Variants in ABCG2 observed in about 807,000 individuals in gnomAD.
ABCG2 encodes ATP binding cassette subfamily G member 2 (JR blood group).
Under a neutral mutation model 73.5 loss-of-function variants are expected in ABCG2, and 80 were observed. That is an observed-to-expected ratio of 1.09 (90% CI 0.91 to 1.31). The LOEUF is 1.31. Ranked by LOEUF, ABCG2 falls within the 50% of genes most tolerant of loss-of-function variation. ABCG2 has a pLI of 0.00. For synonymous variants in ABCG2, 269 were observed against 282.4 expected (o/e 0.95, Z 0.48); for missense variants, 796 against 786.2 (o/e 1.01, Z -0.15).
chr4:88,097,430 G>A (rs1223886175), intron 13 of ABCG2, 23 bp downstream of exon 13: 1 of 1,611,916 alleles, frequency 6.2e-7, no homozygotes, highest in Admixed American at 1.7e-5. Context: ...TTCCTTATCA[G>A]AGCAAACACA....
chr4:88,196,749 T>A (rs1728951204), intron 1 of ABCG2, among the ~76,000 whole-genome samples: 1 of 150,206 alleles, frequency 6.7e-6, no homozygotes, highest in South Asian at 2.1e-4. Context: ...ACGTTTTACC[T>A]CCTGGAACTT....
At chr4:88,101,053 A>C (rs1173809080) in intron 11 of ABCG2, among the ~76,000 whole-genome samples, 177 bp downstream of exon 11, 1 of 152,174 alleles carries the variant, frequency 6.6e-6, no homozygotes, top group African/African-American at 2.4e-5. Context: ...TATTTTCAAA[A>C]CATCATGTTG....
chr4:88,131,359 GAC>G (rs1218223739), intron 4 of ABCG2, 146 bp from the exon 5 acceptor site: 3 of 830,086 alleles, frequency 3.6e-6, no homozygotes, highest in Non-Finnish European at 5.6e-6. Context: ...TTCTGCAAAT[GAC>G]AGTTAACTCC....
intron 5 of ABCG2, among the ~76,000 whole-genome samples, chr4:88,126,406 A>G (rs1453840519): frequency 6.6e-6 from 1 of 152,220 alleles, no homozygotes; most frequent in Non-Finnish European, 1.5e-5. Context: ...AAAAAGAGGA[A>G]CTTCTCCCTA....
chr4:88,182,469 A>C (rs1288648719), intron 1 of ABCG2, among the ~76,000 whole-genome samples: 1 of 152,186 alleles, frequency 6.6e-6, no homozygotes, highest in African/African-American at 2.4e-5. Context: ...TCAGCCATGG[A>C]TCTTTCTCAA....
At chr4:88,133,465 C>T (rs1725038412) in intron 2 of ABCG2, among the ~76,000 whole-genome samples, 1 of 151,952 alleles carries the variant, frequency 6.6e-6, no homozygotes, top group Non-Finnish European at 1.5e-5. Flanking sequence ...TGGAAAATTC[C>T]AAGTTTAGAA....
intron 11 of ABCG2, among the ~76,000 whole-genome samples, chr4:88,099,679 C>T (rs895332806): frequency 1.3e-5 from 2 of 152,168 alleles, no homozygotes; most frequent in African/African-American, 4.8e-5. Context: ...TGACACTGTT[C>T]CCTCCTATTG....
chr4:88,195,458 A>C (rs1258294320), intron 1 of ABCG2, among the ~76,000 whole-genome samples: 1 of 152,226 alleles, frequency 6.6e-6, no homozygotes, highest in Non-Finnish European at 1.5e-5. Flanking sequence ...TATCCTAGTC[A>C]CGTGGCACCA....
intron 1 of ABCG2, among the ~76,000 whole-genome samples, chr4:88,153,656 A>G (rs6821607): frequency 0.81 from 122,545 of 151,814 alleles, 49,862 homozygotes; most frequent in African/African-American, 0.9. Flanking sequence ...AGGCCAAACC[A>G]AGGAATTATG....
At chr4:88,163,946 A>G (rs1021047264), upstream of ABCG2, 1 of 154,964 alleles carries the variant, frequency 6.5e-6, no homozygotes, top group Non-Finnish European at 1.4e-5. Flanking sequence ...ATCTGCAGAT[A>G]GTCAATGTGG....
intron 1 of ABCG2, among the ~76,000 whole-genome samples, chr4:88,189,649 T>C (rs1314256142): frequency 6.6e-6 from 1 of 152,220 alleles, no homozygotes; most frequent in East Asian, 1.9e-4. Context: ...GTGTGGAATC[T>C]TTAAGGTTTT....
At chr4:88,124,009 C>T (rs1278789808) in intron 5 of ABCG2, among the ~76,000 whole-genome samples, 1 of 152,136 alleles carries the variant, frequency 6.6e-6, no homozygotes, top group South Asian at 2.1e-4. Context: ...GACCAATATT[C>T]AAAATTCTTA....
At chr4:88,187,066 C>G (rs559312524) in intron 1 of ABCG2, among the ~76,000 whole-genome samples, 86 of 128,950 alleles carry the variant, frequency 6.7e-4, no homozygotes, top group African/African-American at 2.4e-3. Flanking sequence ...TGCACTCCAG[C>G]CTGGGAGATA....
At chr4:88,212,484 C>T (rs988805932) in intron 1 of ABCG2, among the ~76,000 whole-genome samples, 3 of 152,182 alleles carry the variant, frequency 2.0e-5, no homozygotes, top group Non-Finnish European at 4.4e-5. Flanking sequence ...TTGAACTTCT[C>T]TCCTTCAGTG....
intron 1 of ABCG2, among the ~76,000 whole-genome samples, chr4:88,169,196 C>T (rs1008239730): frequency 5.9e-5 from 9 of 152,030 alleles, no homozygotes; most frequent in Non-Finnish European, 1.3e-4. Flanking sequence ...CAGGCATGCA[C>T]CACCATGCCC....
At chr4:88,099,169 C>T (rs1722204596) in intron 12 of ABCG2, among the ~76,000 whole-genome samples, 155 bp downstream of exon 12, 1 of 152,170 alleles carries the variant, frequency 6.6e-6, no homozygotes. Flanking sequence ...TGACAGTGAA[C>T]AACTGTTTCA....
intron 2 of ABCG2, among the ~76,000 whole-genome samples, chr4:88,137,058 A>AATAAAATAAG (rs1387412404): frequency 8.7e-5 from 13 of 148,938 alleles, no homozygotes; most frequent in Admixed American, 2.7e-4. Context: ...AATAAAATAA[A>AATAAAATAAG]ATAAGAATGA....
At chr4:88,123,361 C>T (rs946602989) in intron 5 of ABCG2, among the ~76,000 whole-genome samples, 1 of 151,978 alleles carries the variant, frequency 6.6e-6, no homozygotes, top group Non-Finnish European at 1.5e-5. Context: ...ATAACAAACT[C>T]CTCCAAGCTA....
intron 1 of ABCG2, among the ~76,000 whole-genome samples, chr4:88,174,051 T>C (rs1437276699): frequency 6.6e-6 from 1 of 152,166 alleles, no homozygotes; most frequent in Admixed American, 6.5e-5. Context: ...CTATCTTCAA[T>C]ACCTCAGAAT....
Sources: allele counts gnomAD v4.1 joint callset (sites outside exome capture counted in the v4.1 genomes callset), GRCh38; gene constraint gnomAD v4.1.1; transcripts MANE v1.5; gene names NCBI Gene and HGNC (gene_info 2026-07-23, HGNC 2026-07-21).